GLIPR1L2: variants seen among roughly 807,000 people sequenced by gnomAD.
GLIPR1L2 encodes GLIPR1-like protein 2.
A neutral mutation model predicts 28.4 loss-of-function variants in GLIPR1L2; 21 were observed. The observed-to-expected ratio is 0.74, with a 90% CI of 0.52 to 1.06. The LOEUF is 1.06. Ranked by LOEUF, GLIPR1L2 falls within the 50% of genes least tolerant of loss-of-function variation. GLIPR1L2 has a pLI of 0.00. For missense variants in GLIPR1L2, 476 were observed against 416.9 expected, an observed-to-expected ratio of 1.14 and a Z score of -1.23; for synonymous variants, 145 against 139.3, an observed-to-expected ratio of 1.04 and a Z score of -0.29.
At chr12:75,423,360 A>G (rs576433981) in intron 4 of GLIPR1L2, 43 of 1,028,288 alleles carry the variant, frequency 4.2e-5, no homozygotes, top group Non-Finnish European at 5.0e-5. Context: ...TATATTTAAT[A>G]CCCTTTTCTT....
chr12:75,421,969 T>C (rs1200356024), intron 3 of GLIPR1L2, among the ~76,000 whole-genome samples: 1 of 142,494 alleles, frequency 7.0e-6, no homozygotes, highest in Non-Finnish European at 1.5e-5. Context: ...TTCTATATCA[T>C]TTATTTTTAA....
chr12:75,417,118 T>A (rs11180498), intron 3 of GLIPR1L2, among the ~76,000 whole-genome samples: 48,523 of 151,922 alleles, frequency 0.32, 8,602 homozygotes, highest in East Asian at 0.46. Flanking sequence ...GTGTGAATAT[T>A]ACCTAATATG....
chr12:75,429,930 TTTTC>T (rs1302815924), intron 4 of GLIPR1L2, among the ~76,000 whole-genome samples: 2 of 104,176 alleles, frequency 1.9e-5, no homozygotes, highest in African/African-American at 6.5e-5. Flanking sequence ...TTTTCTTTTC[TTTTC>T]TTTCTTTTTT....
At chr12:75,402,456 GA>G (rs572360162) in intron 1 of GLIPR1L2, among the ~76,000 whole-genome samples, 8 of 152,004 alleles carry the variant, frequency 5.3e-5, no homozygotes, top group Non-Finnish European at 7.4e-5. Flanking sequence ...GAGAAAAAGG[GA>G]AAAAAATGTA....
chr12:75,392,818 T>C (rs548797891), intron 1 of GLIPR1L2, among the ~76,000 whole-genome samples: 1 of 152,166 alleles, frequency 6.6e-6, no homozygotes, highest in East Asian at 1.9e-4. Context: ...TATAGACATT[T>C]TTAAAGGAAT....
At chr12:75,407,273 A>G (rs779490985) in intron 1 of GLIPR1L2, among the ~76,000 whole-genome samples, 21 of 152,104 alleles carry the variant, frequency 1.4e-4, no homozygotes, top group Non-Finnish European at 2.4e-4. Context: ...AACAAGTGTC[A>G]TGAATATTTT....
At chr12:75,401,527 A>G (rs996747963) in intron 1 of GLIPR1L2, among the ~76,000 whole-genome samples, 5 of 152,100 alleles carry the variant, frequency 3.3e-5, no homozygotes, top group African/African-American at 1.2e-4. Context: ...TACTTCTTTT[A>G]AAGTCTTATA....
At position 75,431,442 on chromosome 12, in the gene GLIPR1L2, T is replaced by C; in HGVS notation, c.*281T>C. The C allele has an allele frequency of 3.4e-6, 1 of 291,734 alleles. No individual in the cohort carries two copies. Among genetic ancestry groups the C allele is most frequent in the Non-Finnish European group, 6.3e-6 (1 of 158,548 alleles). 18.1% of individuals were successfully genotyped at this position (291,734 alleles called of 1,614,324 possible). On this transcript the variant is annotated 3_prime_UTR_variant, in exon 6 of 6. Transcript: ENST00000550916. ...ACTGAAAAACATTTGACCAGTCTAA[T>C]TAATCTTAAGATTTCACCATGTTAT...
chr12:75,393,715 T>A (rs1430375658), intron 1 of GLIPR1L2, among the ~76,000 whole-genome samples: 1 of 152,058 alleles, frequency 6.6e-6, no homozygotes, highest in African/African-American at 2.4e-5. Flanking sequence ...GGGTGTACAT[T>A]TATCTGCTCC....
At chr12:75,409,318 G>T (rs1484423375) in intron 1 of GLIPR1L2, among the ~76,000 whole-genome samples, 1 of 151,502 alleles carries the variant, frequency 6.6e-6, no homozygotes, top group African/African-American at 2.4e-5. Context: ...TAGTATTTTT[G>T]GTTTCACCAC....
At chr12:75,424,622 T>G (rs1211436149) in intron 4 of GLIPR1L2, among the ~76,000 whole-genome samples, 1 of 151,998 alleles carries the variant, frequency 6.6e-6, no homozygotes, top group South Asian at 2.1e-4. Context: ...ATTTTTTTTT[T>G]TATTTTTTGC....
chr12:75,399,493 G>C (rs2045716698), intron 1 of GLIPR1L2, among the ~76,000 whole-genome samples: 2 of 152,160 alleles, frequency 1.3e-5, no homozygotes, highest in South Asian at 4.1e-4. Flanking sequence ...GGTAAAATAT[G>C]ATCTGTGATT....
rs374199717 is a variant in GLIPR1L2 at position 75,417,053 on chromosome 12, C to T, written c.584+3352C>T. ...GGATGAATGGTGCCCCCCCTACCAA[C>T]GTTATGTTTAGGTCCTAATTTCCAG... On this transcript the variant is annotated intron_variant, in intron 3 of 5. Transcript: ENST00000550916. 1.1e-4 allele frequency among the ~76,000 whole-genome samples: 17 copies of T among 151,996 alleles called. No homozygotes were observed. The East Asian group carries it at 1.3e-3, about 12-fold the overall frequency.
chr12:75,392,131 A>C (rs2045621277), intron 1 of GLIPR1L2, among the ~76,000 whole-genome samples: 1 of 152,192 alleles, frequency 6.6e-6, no homozygotes, highest in African/African-American at 2.4e-5. Flanking sequence ...CAAACTTATA[A>C]ATTATATTGC....
At chr12:75,404,237 A>G (rs2045773080) in intron 1 of GLIPR1L2, among the ~76,000 whole-genome samples, 1 of 152,162 alleles carries the variant, frequency 6.6e-6, no homozygotes, top group Admixed American at 6.6e-5. Context: ...TGTGTTATGT[A>G]TATGTGATAT....
chr12:75,397,382 T>C (rs1038043681), intron 1 of GLIPR1L2, among the ~76,000 whole-genome samples: 11 of 152,078 alleles, frequency 7.2e-5, no homozygotes, highest in African/African-American at 2.7e-4. Context: ...TTTAGTGCTT[T>C]ATTATTTTAG....
intron 1 of GLIPR1L2, among the ~76,000 whole-genome samples, chr12:75,402,214 GAA>G (rs1330076937): frequency 3.3e-5 from 5 of 152,108 alleles, no homozygotes; most frequent in Non-Finnish European, 7.4e-5. Context: ...AGTAAATACA[GAA>G]AGAGAAAACC....
At position 75,430,965 on chromosome 12, in the gene GLIPR1L2, A is replaced by G; in HGVS notation, c.839A>G (p.Asn280Ser). Residue 280 changes from asparagine to serine, a missense_variant, in exon 6 of 6, where the codon AAT becomes AGT. By Grantham distance (46) the Asn-to-Ser change is conservative. Transcript: ENST00000550916. ...TTGATAGTACAGTCTCAGTTTCCAA[A>G]TATCTTGTTGGAACAACAAATGATA... ...TVLIVQSQFP[N>S]ILLEQQMIFT... 6.5e-7 allele frequency: 1 copy of G among 1,535,806 alleles called. No homozygotes were observed. Among genetic ancestry groups the G allele is most frequent in the South Asian group, 1.2e-5 (1 of 84,056 alleles).
intron 1 of GLIPR1L2, 47 bp from the exon 2 acceptor site, chr12:75,410,387 C>CA (rs567116232): frequency 6.4e-4 from 902 of 1,399,158 alleles, no homozygotes; most frequent in South Asian, 1.6e-3. Flanking sequence ...TTTTAGACTA[C>CA]AAAAAAAAAC....
Sources: gnomAD v4.1 joint callset for allele counts (sites outside exome capture counted in the v4.1 genomes callset) on GRCh38, gnomAD v4.1.1 for gene constraint, MANE v1.5 for transcripts, NCBI Gene and HGNC (gene_info 2026-07-23, HGNC 2026-07-21) for gene names.